Variants in WDR7 observed in about 807,000 individuals in gnomAD.
The protein encoded by WDR7 is WD repeat domain 7.
Under a neutral mutation model 169.4 loss-of-function variants are expected in WDR7, and 46 were observed. That is an observed-to-expected ratio of 0.27 (90% confidence interval 0.21 to 0.35). The LOEUF (loss-of-function observed/expected upper bound fraction) is 0.35. Ranked by LOEUF, WDR7 falls within the 10% of genes least tolerant of loss-of-function variation. The probability of loss-of-function intolerance (pLI) is 1.00; values close to 1 mark genes in which losing one functional copy is unlikely to be tolerated. For missense variants in WDR7, 1,534 were observed against 1,859.3 expected (o/e 0.83, Z 3.22); for synonymous variants, 612 against 666.8 (o/e 0.92, Z 1.27).
intron 27 of WDR7, among the ~76,000 whole-genome samples, chr18:57,021,480 A>C (rs1275454408): frequency 6.6e-6 from 1 of 152,166 alleles, no homozygotes; most frequent in Non-Finnish European, 1.5e-5. Flanking sequence ...TTTTCTTTGC[A>C]TTCTGAATTT....
At position 57,027,450 on chromosome 18, in the gene WDR7, T is replaced by G; in HGVS notation, c.*243T>G. On this transcript the variant is annotated 3_prime_UTR_variant, in exon 28 of 28. Coordinates refer to ENST00000254442, the MANE Select transcript of WDR7 (RefSeq NM_015285.3). ...GTGGCCATCCTGTCACCAGGTAGTT[T>G]TTCCCTGCCAGAGATGGCAGGGGAA... 1.9e-6 allele frequency: 1 copy of G among 531,576 alleles called. No individual in the cohort carries two copies. Among genetic ancestry groups the G allele is most frequent in the Non-Finnish European group, 3.3e-6 (1 of 303,658 alleles). 32.9% of individuals were successfully genotyped at this position (531,576 alleles called of 1,614,324 possible). A position where few individuals can be genotyped will look rare whatever the true frequency, so the allele number is the denominator to read the frequency against.
chr18:56,725,187 T>A (rs1386976293), intron 13 of WDR7, among the ~76,000 whole-genome samples: 1 of 150,706 alleles, frequency 6.6e-6, no homozygotes, highest in Middle Eastern at 3.2e-3. Flanking sequence ...GATGGCTGGG[T>A]CAAATGGTAT....
chr18:56,752,414 C>T (rs937178206), intron 14 of WDR7, among the ~76,000 whole-genome samples: 1 of 152,184 alleles, frequency 6.6e-6, no homozygotes, highest in African/African-American at 2.4e-5. Flanking sequence ...GTACTTTCTC[C>T]ATTGCGTCCC....
intron 22 of WDR7, among the ~76,000 whole-genome samples, chr18:56,925,024 A>G (rs1319059154): frequency 6.6e-6 from 1 of 152,178 alleles, no homozygotes; most frequent in East Asian, 1.9e-4. Context: ...AAACAGAACC[A>G]TACAAACTGT....
intron 22 of WDR7, among the ~76,000 whole-genome samples, chr18:56,928,392 G>A (rs1347035314): frequency 2.0e-5 from 3 of 152,172 alleles, no homozygotes. Context: ...TTGAGTCTGG[G>A]AGGCCAAGGC....
At chr18:56,657,449 A>G (rs960899892) in intron 1 of WDR7, among the ~76,000 whole-genome samples, 6 of 152,212 alleles carry the variant, frequency 3.9e-5, no homozygotes, top group Admixed American at 6.5e-5. Flanking sequence ...ATGCCTGGCA[A>G]TTAAATTATG....
chr18:56,930,908 T>G (rs1043660743), intron 22 of WDR7, among the ~76,000 whole-genome samples: 1 of 152,216 alleles, frequency 6.6e-6, no homozygotes, highest in African/African-American at 2.4e-5. Flanking sequence ...TCATGACATT[T>G]AACCAAAGTG....
At chr18:56,778,164 G>A (rs2044267426) in intron 17 of WDR7, among the ~76,000 whole-genome samples, 1 of 152,064 alleles carries the variant, frequency 6.6e-6, no homozygotes, top group African/African-American at 2.4e-5. Context: ...TTTATTATCA[G>A]TTGATGAGAA....
intron 1 of WDR7, among the ~76,000 whole-genome samples, chr18:56,665,142 A>G (rs2024989641): frequency 6.6e-6 from 1 of 151,992 alleles, no homozygotes; most frequent in African/African-American, 2.4e-5. Context: ...AAAATACAAA[A>G]ATTAGTTAGG....
rs1008725129 is a variant in WDR7, at chr18:56,942,209, A to T, written c.4064+2816A>T. Reference sequence around the variant, plus strand: ...GGGATGTTAGCATGCACAGGGTGGGACCCCAGATGCACAGGCTCAGTGCAT... The same window carrying T: ...GGGATGTTAGCATGCACAGGGTGGGTCCCCAGATGCACAGGCTCAGTGCAT... On this transcript the variant is annotated intron_variant, in intron 25 of 27. Coordinates refer to ENST00000254442, the MANE Select transcript of WDR7 (RefSeq NM_015285.3). Among the ~76,000 whole-genome samples the T allele has an allele frequency of 3.9e-5, 6 of 152,062 alleles. No individual in the cohort carries two copies. The East Asian group carries it at 1.2e-3, about 29-fold the overall frequency.
intron 14 of WDR7, among the ~76,000 whole-genome samples, chr18:56,752,975 T>G (rs2043819948): frequency 6.6e-6 from 1 of 152,218 alleles, no homozygotes; most frequent in South Asian, 2.1e-4. Flanking sequence ...TGGCAGAAGT[T>G]ATAGGGATTG....
At chr18:56,739,157 C>T (rs555749170) in intron 14 of WDR7, among the ~76,000 whole-genome samples, 9 of 151,976 alleles carry the variant, frequency 5.9e-5, no homozygotes, top group Admixed American at 2.0e-4. Flanking sequence ...ACCATCTTAA[C>T]GTTTGAGTTC....
At chr18:56,850,982 T>A (rs1250261047) in intron 20 of WDR7, among the ~76,000 whole-genome samples, 1 of 152,138 alleles carries the variant, frequency 6.6e-6, no homozygotes, top group African/African-American at 2.4e-5. Context: ...GTTGGTTCTC[T>A]CTATTAAATT....
At chr18:56,976,103 G>T (rs1054270777) in intron 26 of WDR7, among the ~76,000 whole-genome samples, 1 of 152,176 alleles carries the variant, frequency 6.6e-6, no homozygotes, top group African/African-American at 2.4e-5. Flanking sequence ...TTTGCTCCTG[G>T]AGGCTTTGGA....
chr18:56,785,830 C>T (rs1398753643), intron 19 of WDR7, among the ~76,000 whole-genome samples: 77 of 139,792 alleles, frequency 5.5e-4, no homozygotes, highest in African/African-American at 1.6e-3. Flanking sequence ...TTTTCTTTTT[C>T]TTTTTTTTTT....
intron 5 of WDR7, among the ~76,000 whole-genome samples, chr18:56,684,598 G>A (rs1416450662): frequency 6.6e-6 from 1 of 152,214 alleles, no homozygotes; most frequent in African/African-American, 2.4e-5. Context: ...AAGATGGGAG[G>A]AAATTAAGAG....
intron 3 of WDR7, among the ~76,000 whole-genome samples, chr18:56,680,298 T>C (rs1414374839): frequency 1.3e-5 from 2 of 152,082 alleles, no homozygotes; most frequent in Admixed American, 6.6e-5. Context: ...ATTGAGGCTG[T>C]TATGAGCTGT....
chr18:57,015,381 C>T (rs578212544), intron 26 of WDR7, among the ~76,000 whole-genome samples: 1 of 152,292 alleles, frequency 6.6e-6, no homozygotes, highest in Admixed American at 6.5e-5. Context: ...TTTCCTTGAG[C>T]AGATGAACCT....
intron 25 of WDR7, among the ~76,000 whole-genome samples, chr18:56,957,973 T>C (rs2047280221): frequency 6.6e-6 from 1 of 152,170 alleles, no homozygotes; most frequent in African/African-American, 2.4e-5. Context: ...AGTTGCATGT[T>C]TTCTATTTCT....
Sources: gnomAD v4.1 joint callset for allele counts (sites outside exome capture counted in the v4.1 genomes callset) on GRCh38, gnomAD v4.1.1 for gene constraint, MANE v1.5 for transcripts, NCBI Gene and HGNC (gene_info 2026-07-23, HGNC 2026-07-21) for gene names.